KCNH5: variants seen among roughly 807,000 people sequenced by gnomAD.
KCNH5 encodes the protein voltage-gated delayed rectifier potassium channel KCNH5.
A neutral mutation model predicts 96.1 loss-of-function variants in KCNH5; 46 were observed. The observed-to-expected ratio is 0.48, with a 90% CI of 0.38 to 0.61. KCNH5 has a LOEUF of 0.61. Ranked by LOEUF, KCNH5 falls within the 20% of genes least tolerant of loss-of-function variation. The pLI is 0.00. For synonymous variants in KCNH5, 439 were observed against 449.8 expected (o/e 0.98, Z 0.30); for missense variants, 907 against 1,225.8 (o/e 0.74, Z 3.88).
intron 1 of KCNH5, among the ~76,000 whole-genome samples, chr14:63,033,899 A>T (rs1866090500): frequency 6.6e-6 from 1 of 152,000 alleles, no homozygotes; most frequent in Non-Finnish European, 1.5e-5. Flanking sequence ...AATTTAAATC[A>T]TGCAGTCTGT....
chr14:62,843,453 C>T (rs1297545447), intron 8 of KCNH5, among the ~76,000 whole-genome samples: 1 of 147,060 alleles, frequency 6.8e-6, no homozygotes, highest in African/African-American at 2.5e-5. Flanking sequence ...ACTCTGTTGC[C>T]CAGGCTGGAG....
intron 7 of KCNH5, among the ~76,000 whole-genome samples, chr14:62,894,710 T>C (rs1172883143): frequency 6.6e-6 from 1 of 152,236 alleles, no homozygotes; most frequent in Non-Finnish European, 1.5e-5. Context: ...GTTAATTGTA[T>C]GTCATTTTTC....
chr14:62,986,342 A>T (rs377075481), intron 5 of KCNH5, among the ~76,000 whole-genome samples: 8 of 152,260 alleles, frequency 5.3e-5, no homozygotes, highest in Middle Eastern at 3.4e-3. Flanking sequence ...TGAGGCACAA[A>T]GGTCATTTTC....
intron 7 of KCNH5, among the ~76,000 whole-genome samples, chr14:62,945,328 T>C (rs147152074): frequency 1.3e-5 from 2 of 152,230 alleles, no homozygotes; most frequent in East Asian, 3.9e-4. Context: ...CAGGTGAGCT[T>C]ACCAGGCCTT....
intron 4 of KCNH5, among the ~76,000 whole-genome samples, chr14:62,990,392 T>C (rs1196643343): frequency 1.3e-5 from 2 of 152,134 alleles, no homozygotes; most frequent in Non-Finnish European, 2.9e-5. Context: ...TGTATGTGTG[T>C]ACCTTAATTT....
intron 7 of KCNH5, among the ~76,000 whole-genome samples, chr14:62,919,645 A>G (rs948683350): frequency 4.6e-5 from 7 of 152,134 alleles, no homozygotes; most frequent in African/African-American, 1.7e-4. Flanking sequence ...GAAATGAATC[A>G]ATGTCTTTAA....
chr14:62,706,747 T>C lies in KCNH5; in HGVS notation c.*761A>G, dbSNP rs1328955019. On this transcript the variant is annotated 3_prime_UTR_variant, in exon 11 of 11. Coordinates refer to ENST00000322893, the MANE Select transcript of KCNH5 (RefSeq NM_139318.5). The stretch of plus-strand genomic sequence containing the variant: ...TCTATAATAACATACTCTATATTAA[T>C]AGTTTAGTATTTATGATGTTGATAA... The C allele has an allele frequency of 2.0e-5, 3 of 152,172 alleles. No individual in the cohort carries two copies. The highest frequency in any genetic ancestry group is 4.4e-5 in the Non-Finnish European group (3 of 67,990). 9.4% of individuals were successfully genotyped at this position (152,172 alleles called of 1,614,324 possible).
chr14:62,870,874 T>A (rs1888240456), intron 7 of KCNH5, among the ~76,000 whole-genome samples: 1 of 152,196 alleles, frequency 6.6e-6, no homozygotes, highest in African/African-American at 2.4e-5. Flanking sequence ...TTGTTCAAGG[T>A]CAAACCGCTA....
chr14:62,944,660 C>T lies in KCNH5; in HGVS notation c.1369+5473G>A, dbSNP rs1889852400. Among the ~76,000 whole-genome samples the T allele has an allele frequency of 2.0e-5, 3 of 152,110 alleles. No individual in the cohort carries two copies. The South Asian group carries it at 6.2e-4, about 31-fold the overall frequency. On this transcript the variant is annotated intron_variant, in intron 7 of 10. Coordinates refer to ENST00000322893, the MANE Select transcript of KCNH5 (RefSeq NM_139318.5). ...AGCTACAATATCCAAATTTGGTTGA[C>T]ATTTCGGGTCTAACAAATTTTGGAA...
Position 63,016,857 on chromosome 14 carries a change from G to A in KCNH5, c.171C>T (p.Asp57=), listed in dbSNP as rs368773009. 138 of 1,610,454 alleles carry A rather than the reference G, an allele frequency of 8.6e-5. No homozygotes were observed. The highest frequency in any genetic ancestry group is 1.1e-4 in the Non-Finnish European group (131 of 1,178,006). The change falls in exon 2 of 11, where the codon GAC becomes GAT. Residue 57 remains aspartate, a synonymous_variant. Transcript: ENST00000322893. The part of the protein sequence containing the change: ...FCKLSGYHRA[D]VMQKSSTCSF... Reference sequence around the variant, plus strand: ...TGCAAGTGCTGCTTTTCTGCATGACGTCAGCTCGATGATATCCAGAGAGTT... The same window carrying A: ...TGCAAGTGCTGCTTTTCTGCATGACATCAGCTCGATGATATCCAGAGAGTT...
chr14:63,028,786 A>G (rs957221333), intron 1 of KCNH5, among the ~76,000 whole-genome samples: 5 of 152,142 alleles, frequency 3.3e-5, no homozygotes, highest in African/African-American at 1.2e-4. Flanking sequence ...TTTCTCTTCA[A>G]TCCCATTTTT....
intron 2 of KCNH5, among the ~76,000 whole-genome samples, chr14:63,008,218 T>G (rs1250950421): frequency 6.6e-6 from 1 of 152,164 alleles, no homozygotes; most frequent in Non-Finnish European, 1.5e-5. Flanking sequence ...CTGAAGCTTA[T>G]ACAATTTGTG....
intron 7 of KCNH5, among the ~76,000 whole-genome samples, chr14:62,916,995 AT>A (rs1889287775): frequency 6.6e-6 from 1 of 152,224 alleles, no homozygotes; most frequent in Non-Finnish European, 1.5e-5. Flanking sequence ...AAAGAGGTTC[AT>A]TTTCTAGAAA....
intron 2 of KCNH5, among the ~76,000 whole-genome samples, chr14:63,014,126 A>T (rs1037246611): frequency 2.0e-5 from 3 of 152,180 alleles, no homozygotes; most frequent in African/African-American, 7.2e-5. Flanking sequence ...TAAGAACATG[A>T]TCATTTGAAA....
At chr14:62,916,627 C>G (rs1405038245) in intron 7 of KCNH5, among the ~76,000 whole-genome samples, 3 of 152,196 alleles carry the variant, frequency 2.0e-5, no homozygotes, top group African/African-American at 4.8e-5. Flanking sequence ...GCCATACAAA[C>G]AGTGGATTCT....
intron 10 of KCNH5, among the ~76,000 whole-genome samples, chr14:62,776,567 G>A (rs1886100740): frequency 6.6e-6 from 1 of 152,164 alleles, no homozygotes; most frequent in Non-Finnish European, 1.5e-5. Flanking sequence ...GACTAAGACA[G>A]CTGCTTTCAT....
intron 7 of KCNH5, among the ~76,000 whole-genome samples, chr14:62,861,629 T>C (rs1888034414): frequency 7.4e-6 from 1 of 135,782 alleles, no homozygotes; most frequent in Admixed American, 7.3e-5. Context: ...CCCCCCACCA[T>C]CTCCATTTAC....
At chr14:62,745,050 C>T (rs1323465272) in intron 10 of KCNH5, among the ~76,000 whole-genome samples, 1 of 152,210 alleles carries the variant, frequency 6.6e-6, no homozygotes, top group African/African-American at 2.4e-5. Context: ...CTACATTTTG[C>T]TTTGACCTGG....
intron 8 of KCNH5, among the ~76,000 whole-genome samples, chr14:62,812,240 T>C (rs1180701577): frequency 1.3e-5 from 2 of 152,178 alleles, no homozygotes; most frequent in South Asian, 2.1e-4. Context: ...ATCAAATCTA[T>C]AGTTTATTTA....
Sources: gnomAD v4.1 joint callset for allele counts (sites outside exome capture counted in the v4.1 genomes callset) on GRCh38, gnomAD v4.1.1 for gene constraint, MANE v1.5 for transcripts, NCBI Gene and HGNC (gene_info 2026-07-23, HGNC 2026-07-21) for gene names.